FANCA: variants seen among roughly 807,000 people sequenced by gnomAD.
FANCA encodes FA complementation group A.
Under a neutral mutation model 194.3 loss-of-function variants are expected in FANCA, and 236 were observed. That is an observed-to-expected ratio of 1.21 (90% CI 1.09 to 1.35). The LOEUF is 1.35. Among genes scored for constraint, FANCA ranks in the 40% most tolerant of loss-of-function variants. The pLI, the probability that FANCA is intolerant of heterozygous loss-of-function variation, is 0.00. For synonymous variants in FANCA, 1,014 were observed against 715.8 expected (o/e 1.42, Z -6.65); for missense variants, 2,628 against 1,813.9 (o/e 1.45, Z -8.15).
At chr16:89,809,729 T>C (rs1241864372) in intron 5 of FANCA, among the ~76,000 whole-genome samples, 1 of 151,986 alleles carries the variant, frequency 6.6e-6, no homozygotes, top group Non-Finnish European at 1.5e-5. Context: ...GGCGCATGCC[T>C]GTAATCCCAG....
chr16:89,740,931 C>T (rs2062118230), intron 37 of FANCA, 65 bp from the exon 38 acceptor site: 1 of 1,388,926 alleles, frequency 7.2e-7, no homozygotes, highest in Non-Finnish European at 1.0e-6. Context: ...CTAAATAAGG[C>T]TGACACATTC....
chr16:89,815,320 A>T (rs1221221184), intron 2 of FANCA, among the ~76,000 whole-genome samples: 3 of 135,178 alleles, frequency 2.2e-5, no homozygotes, highest in South Asian at 2.6e-4. Context: ...TACAGGCGTG[A>T]GCCACCACGC....
chr16:89,744,579 G>T, intron 36 of FANCA: 1 of 343,772 alleles, frequency 2.9e-6, no homozygotes, highest in Non-Finnish European at 5.7e-6. Flanking sequence ...AAGGGGAGCA[G>T]GTGCAAAGGA....
At chr16:89,774,751 A>AAAAAAAAAAAAAAAC (rs2039442419) in intron 21 of FANCA, among the ~76,000 whole-genome samples, 1 of 148,168 alleles carries the variant, frequency 6.7e-6, no homozygotes. Flanking sequence ...AAAAAAAAAA[A>AAAAAAAAAAAAAAAC]AAATCTCAAC....
chr16:89,784,446 A>G (rs1044199467), intron 15 of FANCA, among the ~76,000 whole-genome samples: 3 of 150,518 alleles, frequency 2.0e-5, no homozygotes, highest in African/African-American at 4.9e-5. Context: ...AAAAGCAAAC[A>G]TGAGATCCTA....
intron 14 of FANCA, among the ~76,000 whole-genome samples, chr16:89,787,003 C>T (rs2039919621): frequency 1.3e-5 from 2 of 152,236 alleles, no homozygotes; most frequent in African/African-American, 4.8e-5. Context: ...GCAGCAGGAA[C>T]AGTCCAGACC....
intron 28 of FANCA, among the ~76,000 whole-genome samples, chr16:89,763,715 G>A (rs2039028384): frequency 6.6e-6 from 1 of 151,994 alleles, no homozygotes; most frequent in Admixed American, 6.6e-5. Context: ...AAGGCGGGCA[G>A]ATCACGAGGT....
chr16:89,816,297 G>T (rs566370312), intron 1 of FANCA: 67 of 256,328 alleles, frequency 2.6e-4, no homozygotes, highest in African/African-American at 1.1e-3. Flanking sequence ...GGCGGGGGCG[G>T]CGTTCGGGAA....
chr16:89,804,824 G>C (rs1028141717), intron 7 of FANCA, among the ~76,000 whole-genome samples: 12 of 152,180 alleles, frequency 7.9e-5, no homozygotes, highest in African/African-American at 2.9e-4. Flanking sequence ...ACGAGGTCAG[G>C]AGTTCAAGAG....
intron 35 of FANCA, among the ~76,000 whole-genome samples, chr16:89,745,481 C>T (rs953668889): frequency 7.0e-6 from 1 of 142,666 alleles, no homozygotes; most frequent in Admixed American, 6.8e-5. Flanking sequence ...GTGAAGGGAC[C>T]ACACTCCTCT....
At chr16:89,751,691 C>T (rs945619850) in intron 31 of FANCA, among the ~76,000 whole-genome samples, 1 of 152,082 alleles carries the variant, frequency 6.6e-6, no homozygotes, top group Non-Finnish European at 1.5e-5. Flanking sequence ...ATGCTGCCTA[C>T]CTGTATAGAC....
intron 28 of FANCA, 53 bp downstream of exon 28, chr16:89,764,837 C>G (rs779161214): frequency 6.2e-7 from 1 of 1,600,174 alleles, no homozygotes; most frequent in Non-Finnish European, 8.6e-7. Flanking sequence ...GGAGCACACA[C>G]AAACCCTAGA....
At chr16:89,795,634 A>G (rs930097112) in intron 11 of FANCA, among the ~76,000 whole-genome samples, 2 of 152,236 alleles carry the variant, frequency 1.3e-5, no homozygotes, top group Non-Finnish European at 2.9e-5. Flanking sequence ...TGAGACTCTG[A>G]CTCAAACAAA....
chr16:89,765,075 G>C lies in FANCA; in HGVS notation c.2602-9C>G, dbSNP rs1406509004. 3.7e-6 allele frequency: 6 copies of C among 1,612,092 alleles called. No individual in the cohort carries two copies. Among genetic ancestry groups the C allele is most frequent in the East Asian group, 4.5e-5 (2 of 44,884 alleles). On this transcript the variant is annotated splice_polypyrimidine_tract_variant and intron_variant, in intron 27 of 42. Coordinates refer to ENST00000389301, the MANE Select transcript of FANCA (RefSeq NM_000135.4). ...AACATGAGGAACTGAAACTGAAACA[G>C]AGAGTGACCCGGCCGTTTCTTCATT...
At chr16:89,790,486 T>C (rs1567634715) in intron 14 of FANCA, among the ~76,000 whole-genome samples, 1 of 150,604 alleles carries the variant, frequency 6.6e-6, no homozygotes, top group Non-Finnish European at 1.5e-5. Context: ...ATCCCAGCAC[T>C]TTGGGAGGAC....
intron 27 of FANCA, among the ~76,000 whole-genome samples, chr16:89,766,013 T>C (rs1164544941): frequency 1.3e-5 from 2 of 151,908 alleles, no homozygotes; most frequent in Non-Finnish European, 1.5e-5. Context: ...TTTTTTTTTT[T>C]TGAGGTGGAG....
intron 30 of FANCA, among the ~76,000 whole-genome samples, chr16:89,754,054 A>G (rs2038687832): frequency 6.6e-6 from 1 of 152,010 alleles, no homozygotes; most frequent in Non-Finnish European, 1.5e-5. Context: ...ACTCTGTCTC[A>G]AAAACAAACA....
intron 33 of FANCA, among the ~76,000 whole-genome samples, chr16:89,747,457 T>G (rs1467712381): frequency 6.6e-6 from 1 of 152,144 alleles, no homozygotes; most frequent in East Asian, 1.9e-4. Context: ...TCCCAGCACT[T>G]TGGGAGGCCA....
intron 30 of FANCA, among the ~76,000 whole-genome samples, chr16:89,753,547 G>GA (rs1224901098): frequency 6.6e-6 from 1 of 152,166 alleles, no homozygotes; most frequent in Non-Finnish European, 1.5e-5. Context: ...AATAGATGTA[G>GA]AAAAAGCACT....
Sources: allele counts gnomAD v4.1 joint callset (sites outside exome capture counted in the v4.1 genomes callset), GRCh38; gene constraint gnomAD v4.1.1; transcripts MANE v1.5; gene names NCBI Gene and HGNC (gene_info 2026-07-23, HGNC 2026-07-21).